Variants in CD8B observed in about 807,000 individuals in gnomAD.
The protein encoded by CD8B is T-cell surface glycoprotein CD8 beta chain.
Under a neutral mutation model 24.2 loss-of-function variants are expected in CD8B, and 6 were observed. The observed-to-expected ratio is 0.25, with a 90% CI of 0.14 to 0.49. CD8B has a LOEUF of 0.49. Among genes scored for constraint, CD8B ranks in the 20% least tolerant of loss-of-function variants. The probability of loss-of-function intolerance (pLI) is 0.98; values close to 1 mark genes in which losing one functional copy is unlikely to be tolerated. For missense variants in CD8B, 196 were observed against 271.3 expected (o/e 0.72, Z 1.95); for synonymous variants, 84 against 108.3 (o/e 0.78, Z 1.39).
At chr2:86,848,323 T>G (rs1304931669) in intron 3 of CD8B, among the ~76,000 whole-genome samples, 1 of 152,266 alleles carries the variant, frequency 6.6e-6, no homozygotes, top group Non-Finnish European at 1.5e-5. Context: ...TTATTTCACT[T>G]AAATTCCCTA....
intron 5 of CD8B, chr2:86,815,778 T>C (rs941870599): frequency 8.7e-6 from 8 of 919,942 alleles, no homozygotes; most frequent in Non-Finnish European, 1.1e-5. Flanking sequence ...TGTTGGTTAC[T>C]TATTAAGTAA....
At chr2:86,823,164 A>G (rs1573488150) in intron 5 of CD8B, among the ~76,000 whole-genome samples, 1 of 152,066 alleles carries the variant, frequency 6.6e-6, no homozygotes, top group African/African-American at 2.4e-5. Flanking sequence ...AACCGCTATG[A>G]TATTTTCAGT....
At chr2:86,823,575 G>A (rs912019872) in intron 5 of CD8B, among the ~76,000 whole-genome samples, 2 of 152,070 alleles carry the variant, frequency 1.3e-5, no homozygotes, top group East Asian at 1.9e-4. Context: ...CACAAGCCTC[G>A]GCCTGCACAA....
intron 1 of CD8B, among the ~76,000 whole-genome samples, chr2:86,860,195 G>A (rs112261288): frequency 3.3e-5 from 5 of 152,268 alleles, no homozygotes; most frequent in East Asian, 1.9e-4. Context: ...GCTTGAACCC[G>A]GGAGGCGGAG....
At chr2:86,836,422 C>T (rs1314427636), downstream of CD8B, among the ~76,000 whole-genome samples, 2 of 152,140 alleles carry the variant, frequency 1.3e-5, no homozygotes, top group Non-Finnish European at 2.9e-5. Flanking sequence ...ATGCCGCACC[C>T]CTAGTCCCAG....
intron 5 of CD8B, among the ~76,000 whole-genome samples, chr2:86,832,592 C>G (rs977789686): frequency 9.2e-5 from 14 of 151,994 alleles, no homozygotes; most frequent in Non-Finnish European, 2.1e-4. Flanking sequence ...AATGCCGACA[C>G]TTCAGGTTGT....
intron 5 of CD8B, among the ~76,000 whole-genome samples, chr2:86,816,743 C>T (rs1027091609): frequency 2.0e-5 from 3 of 152,084 alleles, no homozygotes; most frequent in African/African-American, 4.8e-5. Context: ...ATATGAAAAG[C>T]AAAGTTTCAA....
At chr2:86,815,809 C>T in intron 5 of CD8B, 1 of 762,594 alleles carries the variant, frequency 1.3e-6, no homozygotes, top group South Asian at 1.5e-5. Flanking sequence ...TTTTCTGTGA[C>T]TCAGTCGAGT....
intron 5 of CD8B, among the ~76,000 whole-genome samples, chr2:86,819,554 G>C (rs967416035): frequency 1.3e-5 from 2 of 152,192 alleles, no homozygotes; most frequent in African/African-American, 4.8e-5. Flanking sequence ...CATCTGTTTA[G>C]AGCATGGTTT....
At chr2:86,849,602 G>A (rs1201133130) in intron 3 of CD8B, among the ~76,000 whole-genome samples, 11 of 152,248 alleles carry the variant, frequency 7.2e-5, no homozygotes, top group South Asian at 4.1e-4. Flanking sequence ...ACTAGATTAC[G>A]GTAACGGTCG....
At chr2:86,855,727 C>T (rs1676204202) in intron 2 of CD8B, among the ~76,000 whole-genome samples, 1 of 152,150 alleles carries the variant, frequency 6.6e-6, no homozygotes, top group Non-Finnish European at 1.5e-5. Flanking sequence ...TCCTCATGGC[C>T]CTAGAAGTAG....
In CD8B at chr2:86,846,942, T is replaced by C. The variant is rs1284328806; in HGVS notation, c.494-169A>G. ...TTCCTCAAGTATTTTTTTTTTTTTT[T>C]TTTTTTTTTTTTTGAGACAGAGTCT... On this transcript the variant is annotated intron_variant, in intron 3 of 5. Transcript: ENST00000390655. Among the ~76,000 whole-genome samples, 11 of 131,456 alleles carry C rather than the reference T, an allele frequency of 8.4e-5. 1 individual carries two copies. Among genetic ancestry groups the C allele is most frequent in the African/African-American group, 1.2e-4 (4 of 32,826 alleles). The allele number at this position is 131,456 out of a possible 152,430, so 86.2% of individuals were successfully genotyped here. A position where few individuals can be genotyped will look rare whatever the true frequency, so the allele number is the denominator to read the frequency against.
At chr2:86,828,306 TTGTGTGTGTGTG>T (rs72236144) in intron 5 of CD8B, among the ~76,000 whole-genome samples, 3 of 143,428 alleles carry the variant, frequency 2.1e-5, no homozygotes, top group Admixed American at 7.0e-5. Context: ...ATAACTGGAA[TTGTGTGTGTGTG>T]TGTGTGTGTG....
chr2:86,858,459 C>T (rs1676399585), intron 1 of CD8B, 43 bp from the exon 2 acceptor site: 1 of 1,543,836 alleles, frequency 6.5e-7, no homozygotes, highest in Admixed American at 1.9e-5. Flanking sequence ...TTTTCCTAGC[C>T]ACAGCTGTGG....
At chr2:86,845,334 C>A (rs905681147) in intron 4 of CD8B, among the ~76,000 whole-genome samples, 30 of 152,326 alleles carry the variant, frequency 2.0e-4, no homozygotes, top group African/African-American at 6.0e-4. Context: ...CATGAAAGGT[C>A]CCAGAGACAG....
chr2:86,816,588 T>C (rs1199317173), intron 5 of CD8B, among the ~76,000 whole-genome samples: 1 of 152,156 alleles, frequency 6.6e-6, no homozygotes, highest in East Asian at 1.9e-4. Context: ...AAAATACAGA[T>C]GTGAACATGT....
intron 5 of CD8B, among the ~76,000 whole-genome samples, chr2:86,819,995 T>C (rs1172127282): frequency 6.6e-6 from 1 of 152,192 alleles, no homozygotes; most frequent in Non-Finnish European, 1.5e-5. Flanking sequence ...TAACTGCAAG[T>C]ATGGTAGAAA....
At chr2:86,815,751 C>A (rs2104482247) in intron 5 of CD8B, 1 of 1,133,938 alleles carries the variant, frequency 8.8e-7, no homozygotes, top group Non-Finnish European at 1.3e-6. Context: ...AGTCTCAATA[C>A]ATGCACCAAG....
intron 3 of CD8B, among the ~76,000 whole-genome samples, chr2:86,849,015 C>T (rs1675838302): frequency 6.6e-6 from 1 of 151,516 alleles, no homozygotes; most frequent in Non-Finnish European, 1.5e-5. Context: ...CCGTGCCTGG[C>T]TTGCCATTAT....
Sources: allele counts gnomAD v4.1 joint callset (sites outside exome capture counted in the v4.1 genomes callset), GRCh38; gene constraint gnomAD v4.1.1; transcripts MANE v1.5; gene names NCBI Gene and HGNC (gene_info 2026-07-23, HGNC 2026-07-21).